MKKS: variants seen among roughly 807,000 people sequenced by gnomAD.
The protein encoded by MKKS is MKKS centrosomal shuttling protein, also known as molecular chaperone MKKS.
MKKS carries 29 observed loss-of-function variants against 33.2 expected under a neutral mutation model. The ratio of observed to expected loss-of-function variants is 0.87; its 90% CI spans 0.65 to 1.19. The LOEUF is 1.19. MKKS is among the 50% of genes most tolerant of loss of function. The pLI is 0.00. For missense variants in MKKS, 661 were observed against 662.3 expected, an observed-to-expected ratio of 1.00 and a Z score of 0.02; for synonymous variants, 260 against 244.0, an observed-to-expected ratio of 1.07 and a Z score of -0.61.
chr20:10,417,530 G>A (rs1416808197), intron 2 of MKKS, among the ~76,000 whole-genome samples: 3 of 152,308 alleles, frequency 2.0e-5, no homozygotes, highest in East Asian at 3.9e-4. Context: ...AGGATGGCCT[G>A]TGCCCAAGAG....
Position 10,405,100 on chromosome 20 carries a change from C to T in MKKS, c.*147G>A. ...TTCCATTCACGAATCACCTTTTTTC[C>T]TAAATAAGTGTATCTATAATTTTAT... is the stretch of plus-strand genomic sequence containing the variant. On this transcript the variant is annotated 3_prime_UTR_variant, in exon 6 of 6. Transcript: ENST00000347364. 30 of 572,946 alleles carry T rather than the reference C, an allele frequency of 5.2e-5. No homozygotes were observed. Among genetic ancestry groups the T allele is most frequent in the Middle Eastern group, 4.7e-4 (1 of 2,110 alleles). 35.5% of individuals were successfully genotyped at this position (572,946 alleles called of 1,614,324 possible).
rs6108552 is a variant in MKKS at position 10,405,891 on chromosome 20, T to C, written c.1273-204A>G. The stretch of plus-strand genomic sequence containing the variant: ...TTAACTAGGTTGGTTATAGTAAAAA[T>C]GTATTAAAAATGTATATACTACCAG... On this transcript the variant is annotated intron_variant, in intron 5 of 5. Transcript: ENST00000347364. 8.9e-3 allele frequency among the ~76,000 whole-genome samples: 1,355 copies of C among 152,112 alleles called. 24 individuals are homozygous for C. Among genetic ancestry groups the C allele is most frequent in the African/African-American group, 0.031 (1,280 of 41,546 alleles).
rs561363097 is a variant in MKKS, at chr20:10,402,235, T to C, written c.*3012A>G. On this transcript the variant is annotated 3_prime_UTR_variant, in exon 6 of 6. Coordinates refer to ENST00000347364, the MANE Select transcript of MKKS (RefSeq NM_170784.3). ...ATAATGCAATATTCAGACCTCAATC[T>C]TACTTTAAGTCACAAAACACTGCCT... The C allele has an allele frequency of 5.9e-5, 9 of 152,210 alleles. No homozygotes were observed. The highest frequency in any genetic ancestry group is 1.3e-4 in the Non-Finnish European group (9 of 68,040). 9.4% of individuals were successfully genotyped at this position (152,210 alleles called of 1,614,324 possible).
rs769829308 is a variant in MKKS at position 10,412,995 on chromosome 20, C to G, written c.520G>C (p.Val174Leu). ...CMLTRKETEH[V>L]SALILRAFLL... ...AAGGCTCTCAGGATCAAAGCACTGA[C>G]ATGCTCTGTTTCCTTTCTGGTGAGC... Residue 174 changes from valine (V) to leucine (L), a missense_variant, in exon 3 of 6, where the codon GTC becomes CTC. Val to Leu is a conservative substitution (Grantham distance 32, BLOSUM62 1). Transcript: ENST00000347364. 6.2e-7 allele frequency: 1 copy of G among 1,614,136 alleles called. No individual in the cohort carries two copies.
chr20:10,416,993 C>T (rs961052014), intron 2 of MKKS, among the ~76,000 whole-genome samples: 3 of 151,992 alleles, frequency 2.0e-5, no homozygotes, highest in Admixed American at 2.0e-4. Flanking sequence ...AAAAGTTTGC[C>T]AATTTCTAGG....
At chr20:10,426,676 G>A (rs982774999) in intron 1 of MKKS, among the ~76,000 whole-genome samples, 4 of 152,358 alleles carry the variant, frequency 2.6e-5, no homozygotes, top group Non-Finnish European at 5.9e-5. Flanking sequence ...GGGATTACAG[G>A]CATGAGCCAT....
chr20:10,424,643 A>C (rs1339985947), intron 1 of MKKS, among the ~76,000 whole-genome samples: 1 of 152,168 alleles, frequency 6.6e-6, no homozygotes, highest in Admixed American at 6.5e-5. Context: ...GTAATGTGTT[A>C]TTTATTTTGT....
At chr20:10,424,873 G>A (rs1217450990) in intron 1 of MKKS, among the ~76,000 whole-genome samples, 1 of 151,994 alleles carries the variant, frequency 6.6e-6, no homozygotes, top group Non-Finnish European at 1.5e-5. Context: ...CCAACATGGT[G>A]AAACCCTGTC....
intron 1 of MKKS, among the ~76,000 whole-genome samples, chr20:10,433,369 G>C (rs221663): frequency 7.9e-5 from 12 of 152,330 alleles, no homozygotes; most frequent in African/African-American, 2.9e-4. Context: ...GATAGGGAGC[G>C]TATTGTTTCT....
intron 4 of MKKS, 57 bp downstream of exon 4, chr20:10,408,569 ATT>A (rs2064858982): frequency 6.4e-7 from 1 of 1,555,284 alleles, no homozygotes; most frequent in East Asian, 2.2e-5. Context: ...CATAATAACT[ATT>A]GAGTGACTAA....
intron 4 of MKKS, among the ~76,000 whole-genome samples, chr20:10,408,283 A>AAGTG (rs1262477945): frequency 6.6e-6 from 1 of 152,234 alleles, no homozygotes; most frequent in African/African-American, 2.4e-5. Flanking sequence ...CTCTGCTAAG[A>AAGTG]AGTGGATGAT....
intron 2 of MKKS, among the ~76,000 whole-genome samples, chr20:10,416,274 GT>G (rs1418593255): frequency 6.6e-6 from 1 of 152,080 alleles, no homozygotes; most frequent in East Asian, 1.9e-4. Context: ...ACAGGTGAAA[GT>G]TTTTCCTAAA....
At chr20:10,418,632 C>T (rs1568669460) in intron 2 of MKKS, among the ~76,000 whole-genome samples, 1 of 152,118 alleles carries the variant, frequency 6.6e-6, no homozygotes, top group Non-Finnish European at 1.5e-5. Flanking sequence ...ACTACATTCA[C>T]CTAACATTTT....
chr20:10,434,174 AGCCGCTGCT>A lies in MKKS; in HGVS notation c.-724_-716del, dbSNP rs2065081195. ...GAGGCCCCAGAAACAGATCTCAAGC[AGCCGCTGCT>A]GCCGCGGATCCCGACAACCTTCGCG... is the stretch of plus-strand genomic sequence containing the variant. On this transcript the variant is annotated 5_prime_UTR_variant, in exon 1 of 6. Coordinates refer to ENST00000347364, the MANE Select transcript of MKKS (RefSeq NM_170784.3). 2 of 152,494 alleles carry A rather than the reference AGCCGCTGCT, an allele frequency of 1.3e-5. No homozygotes were observed. The highest frequency in any genetic ancestry group is 1.3e-4 in the Admixed American group (2 of 15,302). The allele number at this position is 152,494 out of a possible 1,614,324, so 9.4% of individuals were successfully genotyped here.
In MKKS at chr20:10,405,537, C is replaced by T. The variant is rs1426685084; in HGVS notation, c.1423G>A (p.Gly475Arg). 4 of 1,614,054 alleles carry T rather than the reference C, an allele frequency of 2.5e-6. No individual in the cohort carries two copies. The highest frequency in any genetic ancestry group is 2.2e-5 in the East Asian group (1 of 44,896). ...GGEILTDMKY[G>R]HLWSVQADSP... ...TCTGCCTGAACTGACCAAAGGTGTC[C>T]ATACTTCATGTCAGTGAGAATTTCA... is the stretch of plus-strand genomic sequence containing the variant. The change falls in exon 6 of 6, where the codon GGA becomes AGA. Residue 475 changes from glycine to arginine, a missense_variant. Transcript: ENST00000347364.
intron 1 of MKKS, among the ~76,000 whole-genome samples, chr20:10,430,735 C>G (rs2065048845): frequency 6.6e-6 from 1 of 152,090 alleles, no homozygotes; most frequent in African/African-American, 2.4e-5. Flanking sequence ...AAGTGAGAGC[C>G]AGGAAAGCTG....
At chr20:10,428,565 G>A (rs1046690417) in intron 1 of MKKS, among the ~76,000 whole-genome samples, 5 of 152,162 alleles carry the variant, frequency 3.3e-5, no homozygotes, top group Admixed American at 2.6e-4. Context: ...TCAGCTGGGC[G>A]CGGTGGCTCA....
intron 1 of MKKS, among the ~76,000 whole-genome samples, chr20:10,433,637 C>T (rs2065071898): frequency 6.6e-6 from 1 of 152,202 alleles, no homozygotes; most frequent in Non-Finnish European, 1.5e-5. Context: ...CCCGCGGCTG[C>T]TTTCACGTAG....
intron 1 of MKKS, among the ~76,000 whole-genome samples, chr20:10,433,176 T>C (rs959230888): frequency 2.6e-5 from 4 of 152,236 alleles, no homozygotes; most frequent in African/African-American, 9.6e-5. Flanking sequence ...GCTCATTTTT[T>C]TGTACTTTTA....
Sources: allele counts gnomAD v4.1 joint callset (sites outside exome capture counted in the v4.1 genomes callset), GRCh38; gene constraint gnomAD v4.1.1; transcripts MANE v1.5; gene names NCBI Gene and HGNC (gene_info 2026-07-23, HGNC 2026-07-21).